The following COPS8 variants were observed in gnomAD, a reference collection of about 807,000 sequenced individuals.
The protein encoded by COPS8 is COP9 signalosome complex subunit 8.
COPS8 carries 11 observed loss-of-function variants against 31.5 expected under a neutral mutation model. The ratio of observed to expected loss-of-function variants is 0.35; its 90% CI spans 0.22 to 0.58. The LOEUF (loss-of-function observed/expected upper bound fraction) is 0.58, where lower values mean the gene tolerates loss of function less well. COPS8 is among the 20% of genes least tolerant of loss of function. The pLI is 0.83. For synonymous variants in COPS8, 81 were observed against 89.3 expected, an observed-to-expected ratio of 0.91 and a Z score of 0.52; for missense variants, 215 against 255.1, an observed-to-expected ratio of 0.84 and a Z score of 1.07.
In COPS8 at chr2:237,089,986, C is replaced by T. The variant is rs919142701; in HGVS notation, c.323C>T (p.Ala108Val). ...WSETVQPIME[A>V]LRDATRRRAF... is the part of the protein sequence containing the mutation. ...GAGACGGTCCAGCCAATTATGGAAG[C>T]ACTTAGAGGTAGTGTTTCTTTGTGG... Residue 108 changes from alanine (A) to valine (V), a missense_variant, in exon 4 of 8, where the codon GCA (alanine) becomes GTA (valine). Coordinates refer to ENST00000354371, the MANE Select transcript of COPS8 (RefSeq NM_006710.5). 6.2e-7 allele frequency: 1 copy of T among 1,613,582 alleles called. No individual in the cohort carries two copies. The highest frequency in any genetic ancestry group is 1.3e-5 in the African/African-American group (1 of 74,886).
At chr2:237,088,515 A>T in intron 2 of COPS8, 90 bp from the exon 3 acceptor site, 7 of 840,806 alleles carry the variant, frequency 8.3e-6, no homozygotes, top group South Asian at 3.3e-5. Flanking sequence ...ATACTTCTGT[A>T]TGTTTGGCTT....
chr2:237,091,236 A>G (rs1383805548), intron 4 of COPS8, among the ~76,000 whole-genome samples: 1 of 152,172 alleles, frequency 6.6e-6, no homozygotes, highest in African/African-American at 2.4e-5. Context: ...TAGACCCAGG[A>G]AAGGCTATAT....
At position 237,091,243 on chromosome 2, in the gene COPS8, A is replaced by G. The variant is rs181829208; in HGVS notation, c.331+1249A>G. Among the ~76,000 whole-genome samples, 387 of 152,332 alleles carry G rather than the reference A, an allele frequency of 2.5e-3. 2 individuals are homozygous for G. The highest frequency in any genetic ancestry group is 3.4e-3 in the Middle Eastern group (1 of 294). On this transcript the variant is annotated intron_variant, in intron 4 of 7. Coordinates refer to ENST00000354371, the MANE Select transcript of COPS8 (RefSeq NM_006710.5). Reference sequence around the variant, plus strand: ...CAGTTCAGTAGACCCAGGAAAGGCTATATAGCGTACCATGCGGGAGTTTAA... The same window carrying G: ...CAGTTCAGTAGACCCAGGAAAGGCTGTATAGCGTACCATGCGGGAGTTTAA...
rs375150277 is a variant in COPS8, at chr2:237,095,858, C to A, written c.476C>A (p.Thr159Lys). 1.9e-6 allele frequency: 3 copies of A among 1,613,328 alleles called. No homozygotes were observed. In the South Asian group the frequency reaches 3.3e-5, roughly 18 times the overall value. Residue 159 changes from threonine to lysine, a missense_variant, in exon 6 of 8, where the codon ACA (threonine) becomes AAA (lysine). Thr to Lys is a moderately conservative substitution (Grantham distance 78). Transcript: ENST00000354371. ...CAAGGATGGCAAGCTGATTCCACCA[C>A]AAGAATGGTTCTGCCCAGAAAGCCA... ...LEQGWQADST[T>K]RMVLPRKPVA...
Position 237,094,172 on chromosome 2 carries a change from A to G in COPS8, c.414A>G (p.Gly138=), listed in dbSNP as rs1696753964. The G allele has an allele frequency of 6.2e-7, 1 of 1,613,962 alleles. No homozygotes were observed. Among genetic ancestry groups the G allele is most frequent in the Middle Eastern group, 1.7e-4 (1 of 6,060 alleles). ...CCGATGATTTTGCAGCCTTTGTTGG[A>G]CTTCCTGTAGAAGAGGCTGTGAAAG... ...IIADDFAAFV[G]LPVEEAVKGI... The change falls in exon 5 of 8, where the codon GGA becomes GGG. Residue 138 remains glycine, a synonymous_variant. Transcript: ENST00000354371.
At chr2:237,093,639 C>G (rs1235343178) in intron 4 of COPS8, 1 of 964,192 alleles carries the variant, frequency 1.0e-6, no homozygotes, top group East Asian at 1.1e-4. Context: ...GCTCCAGTTA[C>G]AAGATTTGTT....
chr2:237,089,139 A>G (rs1696665830), intron 3 of COPS8, among the ~76,000 whole-genome samples: 1 of 152,184 alleles, frequency 6.6e-6, no homozygotes, highest in Non-Finnish European at 1.5e-5. Flanking sequence ...GTTCTTCCAA[A>G]GTGGAATGAA....
At chr2:237,086,735 G>T in intron 1 of COPS8, 1 of 965,460 alleles carries the variant, frequency 1.0e-6, no homozygotes, top group Non-Finnish European at 1.2e-6. Flanking sequence ...TATTCAGGAC[G>T]CTTGATGTAA....
chr2:237,086,660 T>C (rs1696620429), intron 1 of COPS8: 1 of 262,588 alleles, frequency 3.8e-6, no homozygotes, highest in Non-Finnish European at 5.9e-6. Flanking sequence ...TAATAGATAC[T>C]TTCCAGTTGA....
intron 2 of COPS8, 175 bp downstream of exon 2, chr2:237,087,372 G>A: frequency 5.5e-6 from 3 of 549,126 alleles, no homozygotes; most frequent in Non-Finnish European, 6.6e-6. Flanking sequence ...TGATTAGGTC[G>A]TCATTGTCTT....
intron 6 of COPS8, chr2:237,096,574 C>T (rs1696804735): frequency 3.7e-6 from 2 of 543,702 alleles, no homozygotes; most frequent in Non-Finnish European, 6.5e-6. Flanking sequence ...CATTGCTGAA[C>T]ATACAGTAAA....
chr2:237,087,298 C>A, intron 2 of COPS8, 101 bp downstream of exon 2: 1 of 740,174 alleles, frequency 1.4e-6, no homozygotes, highest in Non-Finnish European at 2.3e-6. Context: ...GCACAACGAG[C>A]TACCTTTTTT....
chr2:237,087,395 T>C (rs916846405), intron 2 of COPS8, 198 bp downstream of exon 2: 1 of 537,522 alleles, frequency 1.9e-6, no homozygotes, highest in African/African-American at 2.0e-5. Flanking sequence ...ATATACTTTC[T>C]AGAAAACATT....
rs936055857 is a variant in COPS8, at chr2:237,098,128, A to T, written c.*386A>T. 6.2e-6 allele frequency: 1 copy of T among 161,350 alleles called. No homozygotes were observed. The highest frequency in any genetic ancestry group is 1.4e-5 in the Non-Finnish European group (1 of 73,248). The allele number at this position is 161,350 out of a possible 1,614,324, so 10.0% of individuals were successfully genotyped here. A position where few individuals can be genotyped will look rare whatever the true frequency, so the allele number is the denominator to read the frequency against. On this transcript the variant is annotated 3_prime_UTR_variant, in exon 8 of 8. Transcript: ENST00000354371. ...TTGATAATTATAATGATTCATTTGGACTTGAAGAAAGATTGTCCCCAGGCA... is the reference window on the plus strand; with the variant it reads ...TTGATAATTATAATGATTCATTTGGTCTTGAAGAAAGATTGTCCCCAGGCA...
rs574633328 is a variant in COPS8, at chr2:237,100,115, C to T, written c.*2373C>T. 1.3e-5 allele frequency: 2 copies of T among 152,078 alleles called. No homozygotes were observed. Among genetic ancestry groups the T allele is most frequent in the East Asian group, 3.9e-4 (2 of 5,172 alleles). 9.4% of individuals were successfully genotyped at this position (152,078 alleles called of 1,614,324 possible). A position where few individuals can be genotyped will look rare whatever the true frequency, so the allele number is the denominator to read the frequency against. On this transcript the variant is annotated 3_prime_UTR_variant, in exon 8 of 8. Transcript: ENST00000354371. ...AAAAGCTCATGCTGGAAAATTCCAC[C>T]GAATAAAGATAAAAGTTAGAAAAAC...
intron 4 of COPS8, chr2:237,093,672 T>C: frequency 1.0e-6 from 1 of 985,252 alleles, no homozygotes. Flanking sequence ...GGTGTGGTCC[T>C]GTATTAGAGA....
chr2:237,094,793 C>T lies in COPS8; in HGVS notation c.439+596C>T, dbSNP rs1023523576. On this transcript the variant is annotated intron_variant, in intron 5 of 7. Coordinates refer to ENST00000354371, the MANE Select transcript of COPS8 (RefSeq NM_006710.5). ...CAGCCTGGCCAACATGGTGAAAGCC[C>T]GTCTCTACTAAAAATACAAAAAATT... Among the ~76,000 whole-genome samples the T allele has an allele frequency of 5.3e-5, 8 of 152,012 alleles. 1 individual carries two copies. The South Asian group carries it at 6.2e-4, about 12-fold the overall frequency.
At chr2:237,095,276 T>C (rs1365713374) in intron 5 of COPS8, among the ~76,000 whole-genome samples, 1 of 152,224 alleles carries the variant, frequency 6.6e-6, no homozygotes, top group East Asian at 1.9e-4. Context: ...CCGTCCCTGA[T>C]GCTAGTGGCT....
rs763981541 is a variant in COPS8 at position 237,086,055 on chromosome 2, G to A, written c.78+13G>A. The A allele has an allele frequency of 6.2e-7, 1 of 1,610,590 alleles. No individual in the cohort carries two copies. Among genetic ancestry groups the A allele is most frequent in the Non-Finnish European group, 8.5e-7 (1 of 1,177,566 alleles). On this transcript the variant is annotated intron_variant, in intron 1 of 7. Transcript: ENST00000354371. ...CCAGGAGCTCGAGGTAACCCTTTGC[G>A]TCGCGCTGGGAGAAACTGCGGAGTA...
Sources: allele counts gnomAD v4.1 joint callset (sites outside exome capture counted in the v4.1 genomes callset), GRCh38; gene constraint gnomAD v4.1.1; transcripts MANE v1.5; gene names NCBI Gene and HGNC (gene_info 2026-07-23, HGNC 2026-07-21).